AKAP9: variants seen among roughly 807,000 people sequenced by gnomAD.
The protein encoded by AKAP9 is A-kinase anchor protein 9.
A neutral mutation model predicts 488.5 loss-of-function variants in AKAP9; 311 were observed. That is an observed-to-expected ratio of 0.64 (90% confidence interval 0.58 to 0.70). The LOEUF is 0.70. Ranked by LOEUF, AKAP9 falls within the 30% of genes least tolerant of loss-of-function variation. AKAP9 has a pLI of 0.00. For synonymous variants in AKAP9, 1,462 were observed against 1,483.5 expected (o/e 0.99, Z 0.33); for missense variants, 4,215 against 4,374.5 (o/e 0.96, Z 1.03).
chr7:92,072,071 A>G (rs2130846261), intron 28 of AKAP9, among the ~76,000 whole-genome samples: 1 of 152,306 alleles, frequency 6.6e-6, no homozygotes, highest in East Asian at 1.9e-4. Context: ...TGAGTAAAGT[A>G]ATTTATATGT....
chr7:92,095,581 T>C (rs901512919), intron 40 of AKAP9, among the ~76,000 whole-genome samples: 1 of 152,158 alleles, frequency 6.6e-6, no homozygotes, highest in Admixed American at 6.5e-5. Flanking sequence ...ATTGGCCCCT[T>C]TCAGAGAGAC....
rs1397665230 is a variant in AKAP9 at position 92,085,621 on chromosome 7, T to TA, written c.8960dup (p.Tyr2987Ter). Residue 2987 changes from tyrosine to a stop codon, truncating the protein, a stop_gained and frameshift_variant, in exon 36 of 50, where the codon TAC (tyrosine) becomes TAAC (stop). Coordinates refer to ENST00000356239, the MANE Select transcript of AKAP9 (RefSeq NM_005751.5). LOFTEE classifies it high-confidence loss of function. ...ACCTTGGCTAGAAGAGAGAAAAGCT[T>TA]ACATCAATACAATCTCATCTCTAAA... is the stretch of plus-strand genomic sequence containing the variant. ...SEPWLEERKA[Y>*]INTISSLKDL... The TA allele has an allele frequency of 6.2e-7, 1 of 1,613,794 alleles. No individual in the cohort carries two copies. The highest frequency in any genetic ancestry group is 2.2e-5 in the East Asian group (1 of 44,890).
intron 2 of AKAP9, 99 bp downstream of exon 2, chr7:91,974,067 A>G (rs1320234377): frequency 2.1e-6 from 3 of 1,438,414 alleles, no homozygotes; most frequent in African/African-American, 2.8e-5. Flanking sequence ...CATGATTTTT[A>G]TGTCCTCTTG....
At position 92,001,108 on chromosome 7, in the gene AKAP9, A is replaced by G. The variant is rs1799110661; in HGVS notation, c.1191A>G (p.Leu397=). ...AGTCTTCTGAAGAAATAAAACAGTTAATGGGGACAGTCGAAGAACTTCAGA... is the reference window on the plus strand; with the variant it reads ...AGTCTTCTGAAGAAATAAAACAGTTGATGGGGACAGTCGAAGAACTTCAGA... The part of the protein sequence containing the change: ...ERQSSEEIKQ[L]MGTVEELQKR... Residue 397 remains leucine, a synonymous_variant, in exon 8 of 50, where the codon TTA becomes TTG. Transcript: ENST00000356239. The G allele has an allele frequency of 1.9e-6, 3 of 1,613,834 alleles. No individual in the cohort carries two copies. Among genetic ancestry groups the G allele is most frequent in the African/African-American group, 2.7e-5 (2 of 74,920 alleles).
At chr7:92,104,552 A>G (rs1818218024) in intron 46 of AKAP9, among the ~76,000 whole-genome samples, 1 of 152,174 alleles carries the variant, frequency 6.6e-6, no homozygotes, top group African/African-American at 2.4e-5. Flanking sequence ...CACCTAGTCC[A>G]GAATCTCATT....
intron 4 of AKAP9, among the ~76,000 whole-genome samples, chr7:91,992,679 A>AC (rs141586271): frequency 1.8e-5 from 1 of 56,266 alleles, no homozygotes; most frequent in African/African-American, 8.1e-5. Context: ...AAAAAAAAAA[A>AC]AAAAAACTCA....
rs762427337 is a variant in AKAP9, at chr7:92,065,378, A to G, written c.6125A>G (p.Gln2042Arg). The change falls in exon 25 of 50, where the codon CAA becomes CGA. Residue 2042 changes from glutamine (Q) to arginine (R), a missense_variant. Physicochemically the swap from Gln to Arg is conservative, Grantham distance 43. Coordinates refer to ENST00000356239, the MANE Select transcript of AKAP9 (RefSeq NM_005751.5). Reference protein sequence around the residue: ...EQVSRFIELEQEKNTELMDLR... With the variant: ...EQVSRFIELEREKNTELMDLR... The stretch of plus-strand genomic sequence containing the variant: ...GTCAGTAGGTTTATAGAGCTGGAAC[A>G]AGAAAAAAATACTGAACTAATGGAT... 5 of 1,613,176 alleles carry G rather than the reference A, an allele frequency of 3.1e-6. No individual in the cohort carries two copies. In the Admixed American group the frequency reaches 5.0e-5, roughly 16 times the overall value.
intron 1 of AKAP9, among the ~76,000 whole-genome samples, chr7:91,951,568 T>C (rs971015787): frequency 6.6e-5 from 10 of 152,160 alleles, no homozygotes; most frequent in African/African-American, 2.4e-4. Flanking sequence ...CAAGCGGTTC[T>C]CCCACCTTGG....
At position 92,022,291 on chromosome 7, in the gene AKAP9, T is replaced by A. The variant is rs1482779656; in HGVS notation, c.3891T>A (p.Leu1297=). 1.2e-6 allele frequency: 2 copies of A among 1,613,730 alleles called. No homozygotes were observed. Reference sequence around the variant, plus strand: ...AACTTGAATTTGGAGAAGAAAACCTTCCAAAAGAGGAAACAGAGTTTTTAT... The same window carrying A: ...AACTTGAATTTGGAGAAGAAAACCTACCAAAAGAGGAAACAGAGTTTTTAT... ...GMKLEFGEEN[L]PKEETEFLSI... The change falls in exon 13 of 50, where the codon CTT becomes CTA. Residue 1297 remains leucine, a synonymous_variant. Transcript: ENST00000356239.
chr7:92,093,342 C>T (rs921944705), intron 39 of AKAP9, 26 bp downstream of exon 39: 2 of 1,595,616 alleles, frequency 1.3e-6, no homozygotes, highest in Non-Finnish European at 8.6e-7. Context: ...TTATTAAAAA[C>T]ATGTAACAAG....
intron 2 of AKAP9, among the ~76,000 whole-genome samples, chr7:91,976,774 G>A (rs1012528257): frequency 6.6e-5 from 10 of 152,024 alleles, no homozygotes; most frequent in Admixed American, 5.9e-4. Context: ...CTACTACTGA[G>A]TCCTTCTAGT....
At chr7:92,066,288 T>C in intron 25 of AKAP9, 139 bp from the exon 26 acceptor site, 1 of 1,081,028 alleles carries the variant, frequency 9.3e-7, no homozygotes, top group Non-Finnish European at 1.3e-6. Context: ...TTTAAAACTT[T>C]TGTGATTTGG....
chr7:92,066,386 CTG>C (rs1563078051), intron 25 of AKAP9, 39 bp from the exon 26 acceptor site: 1 of 1,608,242 alleles, frequency 6.2e-7, no homozygotes, highest in Non-Finnish European at 8.5e-7. Flanking sequence ...TCTCTAAATA[CTG>C]TTTCTTCAGC....
chr7:92,081,525 T>G (rs1813583493), intron 31 of AKAP9, among the ~76,000 whole-genome samples: 1 of 144,818 alleles, frequency 6.9e-6, no homozygotes, highest in Non-Finnish European at 1.5e-5. Flanking sequence ...GAGACGAGGT[T>G]TCTCCATGTT....
intron 3 of AKAP9, among the ~76,000 whole-genome samples, 162 bp downstream of exon 3, chr7:91,980,495 C>CTTTTTTTTTTTCTTT (rs1796259897): frequency 2.1e-5 from 1 of 48,756 alleles, no homozygotes; most frequent in Non-Finnish European, 3.3e-5. Context: ...GTATTACTGA[C>CTTTTTTTTTTTCTTT]TTTTTTTTTT....
chr7:92,025,470 A>T (rs1209436438), intron 14 of AKAP9, among the ~76,000 whole-genome samples: 5 of 152,240 alleles, frequency 3.3e-5, no homozygotes, highest in African/African-American at 1.2e-4. Context: ...TATTTTGTGT[A>T]AATAGCATCA....
intron 8 of AKAP9, among the ~76,000 whole-genome samples, chr7:92,009,837 CATAG>C (rs1409675285): frequency 6.6e-6 from 1 of 152,126 alleles, no homozygotes; most frequent in Non-Finnish European, 1.5e-5. Flanking sequence ...ACTTCACATT[CATAG>C]ATAGCAGGAA....
At chr7:91,952,907 A>G (rs776443101) in intron 1 of AKAP9, among the ~76,000 whole-genome samples, 1 of 151,886 alleles carries the variant, frequency 6.6e-6, no homozygotes, top group Non-Finnish European at 1.5e-5. Context: ...GCAGCCTTGA[A>G]CTCCCAGGCT....
intron 10 of AKAP9, among the ~76,000 whole-genome samples, 158 bp from the exon 11 acceptor site, chr7:92,015,971 G>T (rs534996553): frequency 6.6e-6 from 1 of 152,184 alleles, no homozygotes; most frequent in East Asian, 1.9e-4. Flanking sequence ...ATTTAGACTT[G>T]TTTCTTTTGC....
Sources: allele counts gnomAD v4.1 joint callset (sites outside exome capture counted in the v4.1 genomes callset), GRCh38; gene constraint gnomAD v4.1.1; transcripts MANE v1.5; gene names NCBI Gene and HGNC (gene_info 2026-07-23, HGNC 2026-07-21).